Variants in ZNF385B observed in about 807,000 individuals in gnomAD.
The protein encoded by ZNF385B is zinc finger protein 533.
Under a neutral mutation model 39.2 loss-of-function variants are expected in ZNF385B, and 23 were observed. The observed-to-expected ratio is 0.59, with a 90% CI of 0.42 to 0.83. The LOEUF (loss-of-function observed/expected upper bound fraction) is 0.83. Ranked by LOEUF, ZNF385B falls within the 40% of genes least tolerant of loss-of-function variation. The pLI is 0.00. For synonymous variants in ZNF385B, 205 were observed against 222.6 expected, an observed-to-expected ratio of 0.92 and a Z score of 0.70; for missense variants, 552 against 598.9, an observed-to-expected ratio of 0.92 and a Z score of 0.82.
intron 5 of ZNF385B, among the ~76,000 whole-genome samples, chr2:179,514,511 G>A (rs557036234): frequency 7.2e-5 from 11 of 152,146 alleles, no homozygotes; most frequent in Non-Finnish European, 1.3e-4. Flanking sequence ...TATAAAAAGA[G>A]TATGGGAGCT....
chr2:179,772,262 C>T (rs1406245229), intron 1 of ZNF385B, among the ~76,000 whole-genome samples: 1 of 152,102 alleles, frequency 6.6e-6, no homozygotes, highest in Non-Finnish European at 1.5e-5. Context: ...ATTCTGTAAC[C>T]TCTTCAGAGT....
chr2:179,707,012 C>T (rs116332398), intron 3 of ZNF385B, among the ~76,000 whole-genome samples: 1,734 of 152,200 alleles, frequency 0.011, 29 homozygotes, highest in African/African-American at 0.038. Context: ...CCATGATGTG[C>T]TATCAGTGGG....
At position 179,518,596 on chromosome 2, in the gene ZNF385B, C is replaced by T; in HGVS notation, c.484G>A (p.Val162Ile). ...QKAVINHTFG[V>I]SIPPKKKQVI... ...TGTTTCTTCTTTGGGGGAATGGATA[C>T]TCCAAATGTATGGTTAATAACCGCT... The change falls in exon 5 of 10, where the codon GTA becomes ATA. Residue 162 changes from valine to isoleucine, a missense_variant. Physicochemically the swap from Val to Ile is conservative, Grantham distance 29 (BLOSUM62 3). Coordinates refer to ENST00000410066, the MANE Select transcript of ZNF385B (RefSeq NM_152520.6). 6.2e-7 allele frequency: 1 copy of T among 1,607,130 alleles called. No individual in the cohort carries two copies. Among genetic ancestry groups the T allele is most frequent in the African/African-American group, 1.3e-5 (1 of 74,510 alleles).
At chr2:179,678,584 C>T (rs186881871) in intron 3 of ZNF385B, among the ~76,000 whole-genome samples, 7 of 152,256 alleles carry the variant, frequency 4.6e-5, no homozygotes, top group East Asian at 1.9e-4. Flanking sequence ...TTTCCTGATA[C>T]CTTGGAATAT....
intron 3 of ZNF385B, among the ~76,000 whole-genome samples, chr2:179,712,441 T>C (rs1049836764): frequency 1.3e-5 from 2 of 152,344 alleles, no homozygotes; most frequent in East Asian, 1.9e-4. Flanking sequence ...CAGCCAGTTG[T>C]ATAAGCCCGA....
intron 3 of ZNF385B, among the ~76,000 whole-genome samples, chr2:179,721,760 T>C (rs572687561): frequency 6.6e-6 from 1 of 152,054 alleles, no homozygotes; most frequent in Non-Finnish European, 1.5e-5. Flanking sequence ...TCATACCTAT[T>C]GATGAAACTT....
At chr2:179,575,001 C>T (rs1423562293) in intron 3 of ZNF385B, among the ~76,000 whole-genome samples, 1 of 152,082 alleles carries the variant, frequency 6.6e-6, no homozygotes, top group Non-Finnish European at 1.5e-5. Context: ...TGATGCTGCT[C>T]AGGTACCAAC....
chr2:179,797,681 G>A (rs1245031169), intron 1 of ZNF385B, among the ~76,000 whole-genome samples: 2 of 152,084 alleles, frequency 1.3e-5, no homozygotes, highest in Non-Finnish European at 2.9e-5. Flanking sequence ...TATCCCTATG[G>A]TATATTTTAA....
chr2:179,450,066 T>A (rs200006785), intron 6 of ZNF385B, among the ~76,000 whole-genome samples: 2 of 151,532 alleles, frequency 1.3e-5, no homozygotes, highest in African/African-American at 2.4e-5. Context: ...AAGCTGAAAC[T>A]GGATCCCTTC....
chr2:179,677,835 G>A (rs2276572), intron 3 of ZNF385B, among the ~76,000 whole-genome samples: 17,205 of 152,042 alleles, frequency 0.11, 1,361 homozygotes, highest in African/African-American at 0.22. Flanking sequence ...CACCATTTGA[G>A]ATTTTTTTTA....
intron 5 of ZNF385B, among the ~76,000 whole-genome samples, chr2:179,493,666 T>C (rs80312801): frequency 0.43 from 46,060 of 107,634 alleles, 12,778 homozygotes; most frequent in East Asian, 0.86. Context: ...TATATGTATA[T>C]GCATATGCAT....
chr2:179,568,651 T>C (rs1262766591), intron 3 of ZNF385B, among the ~76,000 whole-genome samples: 1 of 152,220 alleles, frequency 6.6e-6, no homozygotes, highest in Non-Finnish European at 1.5e-5. Context: ...AGGGCTGACA[T>C]ACATTTGGCA....
intron 4 of ZNF385B, among the ~76,000 whole-genome samples, chr2:179,542,977 T>A (rs954393220): frequency 6.7e-5 from 10 of 148,934 alleles, no homozygotes; most frequent in African/African-American, 2.6e-4. Context: ...GTTAAAAAAA[T>A]AAATAAATAA....
At position 179,606,190 on chromosome 2, in the gene ZNF385B, C is replaced by T. The variant is rs528913508; in HGVS notation, c.299-61221G>A. 4.8e-4 allele frequency among the ~76,000 whole-genome samples: 73 copies of T among 152,152 alleles called. No individual in the cohort carries two copies. In the South Asian group the frequency reaches 0.014, roughly 30 times the overall value. ...GATAAAATGATCAACTAGCAGAAAA[C>T]ATGGTTCTGCTAGTTGTGCAGTATG... is the stretch of plus-strand genomic sequence containing the variant. On this transcript the variant is annotated intron_variant, in intron 3 of 9. Transcript: ENST00000410066.
intron 3 of ZNF385B, among the ~76,000 whole-genome samples, chr2:179,609,490 A>G (rs114683054): frequency 5.3e-5 from 8 of 152,286 alleles, no homozygotes; most frequent in Non-Finnish European, 8.8e-5. Context: ...ATGGACACTT[A>G]GGTTGGTTCC....
At chr2:179,661,973 G>T (rs1389061896) in intron 3 of ZNF385B, among the ~76,000 whole-genome samples, 7 of 152,094 alleles carry the variant, frequency 4.6e-5, no homozygotes, top group Non-Finnish European at 1.0e-4. Flanking sequence ...ACTATGATTT[G>T]GCATTAAAGT....
At chr2:179,674,276 G>A (rs1181777801) in intron 3 of ZNF385B, among the ~76,000 whole-genome samples, 2 of 152,160 alleles carry the variant, frequency 1.3e-5, no homozygotes, top group Non-Finnish European at 2.9e-5. Context: ...TGTAGTGAAG[G>A]AGACGGATTA....
At chr2:179,761,033 TCA>T (rs1703350998) in intron 3 of ZNF385B, among the ~76,000 whole-genome samples, 1 of 152,164 alleles carries the variant, frequency 6.6e-6, no homozygotes, top group Non-Finnish European at 1.5e-5. Flanking sequence ...TGTACCTTTA[TCA>T]AAAAATCAAT....
At chr2:179,512,969 G>T (rs1408226491) in intron 5 of ZNF385B, among the ~76,000 whole-genome samples, 1 of 152,144 alleles carries the variant, frequency 6.6e-6, no homozygotes, top group Non-Finnish European at 1.5e-5. Flanking sequence ...GGGGGGTACA[G>T]GAACTTAAAC....
Sources: gnomAD v4.1 joint callset for allele counts (sites outside exome capture counted in the v4.1 genomes callset) on GRCh38, gnomAD v4.1.1 for gene constraint, MANE v1.5 for transcripts, NCBI Gene and HGNC (gene_info 2026-07-23, HGNC 2026-07-21) for gene names.